The following SLC5A10 variants were observed in gnomAD, a reference collection of about 807,000 sequenced individuals.
SLC5A10 encodes solute carrier family 5 member 10.
SLC5A10 carries 55 observed loss-of-function variants against 68.9 expected under a neutral mutation model. That is an observed-to-expected ratio of 0.80 (90% CI 0.64 to 1.00). The LOEUF (loss-of-function observed/expected upper bound fraction) is 1.00. Among genes scored for constraint, SLC5A10 ranks in the 50% least tolerant of loss-of-function variants. SLC5A10 has a pLI of 0.00. For synonymous variants in SLC5A10, 344 were observed against 344.8 expected (o/e 1.00, Z 0.02); for missense variants, 732 against 819.3 (o/e 0.89, Z 1.30).
At chr17:18,997,534 T>TA (rs1466909330) in intron 9 of SLC5A10, among the ~76,000 whole-genome samples, 1 of 152,214 alleles carries the variant, frequency 6.6e-6, no homozygotes, top group African/African-American at 2.4e-5. Context: ...CAAAAGCCTT[T>TA]AAAACCTCAG....
intron 9 of SLC5A10, among the ~76,000 whole-genome samples, chr17:18,984,363 T>G (rs1597862341): frequency 7.0e-6 from 1 of 143,114 alleles, no homozygotes. Context: ...AAGAGAACCC[T>G]GCCTTATACC....
chr17:18,993,794 G>A (rs1230650726), intron 9 of SLC5A10, among the ~76,000 whole-genome samples: 1 of 152,214 alleles, frequency 6.6e-6, no homozygotes, highest in Non-Finnish European at 1.5e-5. Flanking sequence ...CGCTGGCTCC[G>A]ATCTCAGCTC....
At chr17:19,015,226 G>C in intron 11 of SLC5A10, 27 bp downstream of exon 11, 1 of 1,027,492 alleles carries the variant, frequency 9.7e-7, no homozygotes, top group Non-Finnish European at 1.4e-6. Context: ...CAGTACGGGG[G>C]TGGGGGAACA....
intron 9 of SLC5A10, chr17:18,977,895 T>C (rs2152008851): frequency 6.2e-7 from 1 of 1,610,834 alleles, no homozygotes; most frequent in East Asian, 2.2e-5. Context: ...TCCTGGTCAC[T>C]GAGGGTTACG....
At chr17:18,985,140 G>T (rs1046761759) in intron 9 of SLC5A10, among the ~76,000 whole-genome samples, 2 of 152,236 alleles carry the variant, frequency 1.3e-5, no homozygotes, top group Admixed American at 6.5e-5. Context: ...GACCAGAGCT[G>T]CGTCTCATGG....
chr17:18,985,536 C>T (rs2043248239), intron 9 of SLC5A10, among the ~76,000 whole-genome samples: 4 of 152,166 alleles, frequency 2.6e-5, no homozygotes, highest in South Asian at 2.1e-4. Context: ...AAAGGAAGTG[C>T]TCCCGGGACA....
chr17:18,976,798 C>A (rs1423149778), intron 8 of SLC5A10, 56 bp from the exon 9 acceptor site: 4 of 1,598,504 alleles, frequency 2.5e-6, no homozygotes, highest in Middle Eastern at 1.7e-4. Context: ...AAGGACCAAT[C>A]CTGACACAAG....
At chr17:18,964,688 GA>G (rs776514808) in intron 5 of SLC5A10, among the ~76,000 whole-genome samples, 1 of 151,842 alleles carries the variant, frequency 6.6e-6, no homozygotes, top group African/African-American at 2.4e-5. Flanking sequence ...CACAGGGCAA[GA>G]GCTTGGCAAG....
At chr17:18,956,092 G>T (rs2042493610) in intron 1 of SLC5A10, among the ~76,000 whole-genome samples, 1 of 152,134 alleles carries the variant, frequency 6.6e-6, no homozygotes, top group Admixed American at 6.5e-5. Flanking sequence ...TACTAGGGAG[G>T]CTGAGGCAGG....
chr17:18,995,612 A>T (rs1484963697), intron 9 of SLC5A10, among the ~76,000 whole-genome samples: 2 of 152,234 alleles, frequency 1.3e-5, no homozygotes, highest in Non-Finnish European at 2.9e-5. Flanking sequence ...CATTTGATTA[A>T]AGACTAAATC....
intron 5 of SLC5A10, among the ~76,000 whole-genome samples, chr17:18,965,806 T>C (rs991434207): frequency 6.6e-6 from 1 of 152,032 alleles, no homozygotes; most frequent in Non-Finnish European, 1.5e-5. Context: ...CTGCCATGAG[T>C]TTCCTCCCCA....
At chr17:18,994,260 C>T (rs182245484) in intron 9 of SLC5A10, among the ~76,000 whole-genome samples, 1 of 152,320 alleles carries the variant, frequency 6.6e-6, no homozygotes, top group African/African-American at 2.4e-5. Flanking sequence ...ATCAGCACAG[C>T]GATTCCTGAG....
intron 9 of SLC5A10, among the ~76,000 whole-genome samples, chr17:18,981,984 C>T (rs1371886976): frequency 6.6e-6 from 1 of 152,240 alleles, no homozygotes; most frequent in Non-Finnish European, 1.5e-5. Flanking sequence ...CCTGGCCCGG[C>T]CACAGACCCC....
At chr17:18,997,081 G>T (rs561258138) in intron 9 of SLC5A10, among the ~76,000 whole-genome samples, 2 of 152,338 alleles carry the variant, frequency 1.3e-5, no homozygotes, top group Middle Eastern at 3.4e-3. Flanking sequence ...GACTATTAAG[G>T]CTGAAGCCTC....
chr17:18,987,328 C>T (rs745812034), intron 9 of SLC5A10, among the ~76,000 whole-genome samples: 1 of 152,228 alleles, frequency 6.6e-6, no homozygotes, highest in Non-Finnish European at 1.5e-5. Flanking sequence ...CTCCCTATCC[C>T]ACTAGGCTGT....
chr17:18,955,162 T>C (rs2042473443), intron 1 of SLC5A10, among the ~76,000 whole-genome samples: 1 of 151,132 alleles, frequency 6.6e-6, no homozygotes, highest in Non-Finnish European at 1.5e-5. Flanking sequence ...TCAGGTGCAG[T>C]ATGATCCAGG....
At chr17:18,958,539 G>T in intron 1 of SLC5A10, 143 bp from the exon 2 acceptor site, 1 of 623,034 alleles carries the variant, frequency 1.6e-6, no homozygotes, top group Non-Finnish European at 2.9e-6. Context: ...CAATTCTTTT[G>T]GACATATACC....
At chr17:18,951,917 A>C (rs571001025), upstream of SLC5A10, 2 of 412,196 alleles carry the variant, frequency 4.9e-6, no homozygotes, top group Admixed American at 8.2e-5. Flanking sequence ...AATGCGGTTC[A>C]TTTTCCCCAA....
In SLC5A10 at chr17:18,979,560, G is replaced by A. The variant is rs752370159; in HGVS notation, c.982+2571G>A. Reference sequence around the variant, plus strand: ...AGCTGGAGAGTCACCTGTAGGAGCCGCACACAGCCCGGTCTCCATCCACAA... The same window carrying A: ...AGCTGGAGAGTCACCTGTAGGAGCCACACACAGCCCGGTCTCCATCCACAA... On this transcript the variant is annotated intron_variant, in intron 9 of 14. Transcript: ENST00000395645. The A allele has an allele frequency of 5.6e-6, 9 of 1,613,078 alleles. No individual in the cohort carries two copies. In the African/African-American group the frequency reaches 6.7e-5, roughly 12 times the overall value.
Sources: gnomAD v4.1 joint callset for allele counts (sites outside exome capture counted in the v4.1 genomes callset) on GRCh38, gnomAD v4.1.1 for gene constraint, MANE v1.5 for transcripts, NCBI Gene and HGNC (gene_info 2026-07-23, HGNC 2026-07-21) for gene names.